The following GALNT10 variants were observed in gnomAD, a reference collection of about 807,000 sequenced individuals.
GALNT10 encodes the protein GalNAc transferase 10.
Under a neutral mutation model 75.0 loss-of-function variants are expected in GALNT10, and 41 were observed. The observed-to-expected ratio is 0.55, with a 90% CI of 0.43 to 0.71. The LOEUF is 0.71. Among genes scored for constraint, GALNT10 ranks in the 30% least tolerant of loss-of-function variants. The pLI is 0.00. For synonymous variants in GALNT10, 302 were observed against 313.0 expected (o/e 0.96, Z 0.37); for missense variants, 727 against 818.5 (o/e 0.89, Z 1.36).
chr5:154,331,266 T>C (rs1754859814), intron 4 of GALNT10, among the ~76,000 whole-genome samples: 1 of 152,046 alleles, frequency 6.6e-6, no homozygotes, highest in African/African-American at 2.4e-5. Context: ...ACCCTGGAAG[T>C]ACTAACAGTA....
intron 1 of GALNT10, among the ~76,000 whole-genome samples, chr5:154,262,006 A>G (rs544928295): frequency 8.9e-4 from 135 of 152,320 alleles, no homozygotes; most frequent in Non-Finnish European, 1.2e-3. Flanking sequence ...GGGATACTCC[A>G]TAAAAGAGAA....
At chr5:154,240,796 A>G (rs1417907680) in intron 1 of GALNT10, among the ~76,000 whole-genome samples, 1 of 152,146 alleles carries the variant, frequency 6.6e-6, no homozygotes, top group Admixed American at 6.5e-5. Context: ...AGAAGGTGCT[A>G]TTTCACTGTG....
At position 154,418,965 on chromosome 5, in the gene GALNT10, G is replaced by A. The variant is rs865917507; in HGVS notation, c.*1993G>A. 6.6e-6 allele frequency: 1 copy of A among 152,454 alleles called. No homozygotes were observed. Among genetic ancestry groups the A allele is most frequent in the South Asian group, 2.1e-4 (1 of 4,822 alleles). 9.4% of individuals were successfully genotyped at this position (152,454 alleles called of 1,614,324 possible). ...ATTCATCATCAAAGAGCAATGCAGC[G>A]TCGTTAAAATAAAAACTGTGCCTTT... On this transcript the variant is annotated 3_prime_UTR_variant, in exon 12 of 12. Transcript: ENST00000297107.
chr5:154,297,010 G>T (rs544777338), intron 2 of GALNT10, among the ~76,000 whole-genome samples: 15 of 152,338 alleles, frequency 9.8e-5, no homozygotes, highest in African/African-American at 3.4e-4. Context: ...AATAGGTGTT[G>T]CTCAGTCCAC....
At chr5:154,192,654 G>C (rs531024491) in intron 1 of GALNT10, among the ~76,000 whole-genome samples, 2 of 152,108 alleles carry the variant, frequency 1.3e-5, no homozygotes, top group Non-Finnish European at 2.9e-5. Flanking sequence ...GGAATACAAC[G>C]GTCCCTTCTT....
At chr5:154,357,845 T>C (rs189027073) in intron 4 of GALNT10, among the ~76,000 whole-genome samples, 1 of 152,188 alleles carries the variant, frequency 6.6e-6, no homozygotes, top group Admixed American at 6.5e-5. Flanking sequence ...CCGCTCCCTG[T>C]GTGAGCTGAG....
At chr5:154,247,223 T>G (rs983108415) in intron 1 of GALNT10, among the ~76,000 whole-genome samples, 6 of 152,210 alleles carry the variant, frequency 3.9e-5, no homozygotes, top group Non-Finnish European at 7.4e-5. Context: ...CCTTGTAGTA[T>G]AGTTTGAAGT....
At chr5:154,237,821 A>G (rs1348193653) in intron 1 of GALNT10, among the ~76,000 whole-genome samples, 2 of 152,216 alleles carry the variant, frequency 1.3e-5, no homozygotes, top group African/African-American at 4.8e-5. Context: ...GATACCTACT[A>G]TTAACATGAC....
chr5:154,419,310 G>A lies in GALNT10; in HGVS notation c.*2338G>A, dbSNP rs1328726783. The A allele has an allele frequency of 6.6e-6, 1 of 152,120 alleles. No homozygotes were observed. Among genetic ancestry groups the A allele is most frequent in the African/African-American group, 2.4e-5 (1 of 41,394 alleles). 9.4% of individuals were successfully genotyped at this position (152,120 alleles called of 1,614,324 possible). A position where few individuals can be genotyped will look rare whatever the true frequency, so the allele number is the denominator to read the frequency against. On this transcript the variant is annotated 3_prime_UTR_variant, in exon 12 of 12. Transcript: ENST00000297107. ...AGAAGACCTCATCAGCCCCCGAGAG[G>A]AGGCCTTGCATTACCTCACTGGGAC...
chr5:154,406,863 G>A (rs2113216135), intron 8 of GALNT10, among the ~76,000 whole-genome samples: 1 of 152,262 alleles, frequency 6.6e-6, no homozygotes, highest in East Asian at 1.9e-4. Context: ...TTGTCCCCTA[G>A]ATGATCATTT....
chr5:154,363,536 A>G (rs1014278041), intron 4 of GALNT10, among the ~76,000 whole-genome samples: 1 of 123,892 alleles, frequency 8.1e-6, no homozygotes, highest in African/African-American at 2.6e-5. Context: ...CCAAACATCT[A>G]ACAACAATGA....
At chr5:154,414,989 G>A (rs1561688377) in intron 10 of GALNT10, among the ~76,000 whole-genome samples, 1 of 152,082 alleles carries the variant, frequency 6.6e-6, no homozygotes, top group Admixed American at 6.5e-5. Context: ...CAGGCGTGGT[G>A]GCACACACCT....
intron 7 of GALNT10, chr5:154,387,660 A>G (rs1309971214): frequency 6.6e-6 from 1 of 152,156 alleles, no homozygotes; most frequent in Non-Finnish European, 1.5e-5. Context: ...GGTTTAATGA[A>G]ACGTTAATCC....
intron 3 of GALNT10, among the ~76,000 whole-genome samples, chr5:154,310,432 G>GT (rs962402717): frequency 1.9e-5 from 1 of 53,648 alleles, no homozygotes; most frequent in African/African-American, 7.8e-5. Context: ...CCATCACTGG[G>GT]TTTTTTTTGT....
At chr5:154,244,037 C>T (rs1279231153) in intron 1 of GALNT10, among the ~76,000 whole-genome samples, 1 of 152,158 alleles carries the variant, frequency 6.6e-6, no homozygotes, top group Non-Finnish European at 1.5e-5. Context: ...GTAGCAGCAC[C>T]AGGAACCAGA....
intron 7 of GALNT10, chr5:154,389,122 T>C (rs993574463): frequency 5.9e-5 from 9 of 151,910 alleles, no homozygotes; most frequent in Non-Finnish European, 1.3e-4. Context: ...AGGGATCTTT[T>C]TGTGTTTCAC....
chr5:154,334,838 C>A (rs1358178897), intron 4 of GALNT10, among the ~76,000 whole-genome samples: 1 of 152,158 alleles, frequency 6.6e-6, no homozygotes, highest in Non-Finnish European at 1.5e-5. Context: ...ATGCTGGGCC[C>A]GTTAGTTCAC....
intron 1 of GALNT10, among the ~76,000 whole-genome samples, chr5:154,271,334 C>T (rs567398): frequency 0.064 from 9,727 of 151,996 alleles, 840 homozygotes; most frequent in African/African-American, 0.2. Flanking sequence ...AGCGTGGTGG[C>T]GGGTGCCTGT....
chr5:154,213,753 G>A (rs983877464), intron 1 of GALNT10, among the ~76,000 whole-genome samples: 2 of 152,116 alleles, frequency 1.3e-5, no homozygotes, highest in Admixed American at 6.5e-5. Context: ...GCTAGTTTTT[G>A]TACTTTTTGT....
Sources: allele counts gnomAD v4.1 joint callset (sites outside exome capture counted in the v4.1 genomes callset), GRCh38; gene constraint gnomAD v4.1.1; transcripts MANE v1.5; gene names NCBI Gene and HGNC (gene_info 2026-07-23, HGNC 2026-07-21).